Variants in PSMD1 observed in about 807,000 individuals in gnomAD.
PSMD1 encodes proteasome 26S subunit, non-ATPase 1, also known as 26S proteasome non-ATPase regulatory subunit 1.
A neutral mutation model predicts 119.0 loss-of-function variants in PSMD1; 18 were observed. The ratio of observed to expected loss-of-function variants is 0.15; its 90% CI spans 0.10 to 0.22. The LOEUF is 0.22. Ranked by LOEUF, PSMD1 falls within the 10% of genes least tolerant of loss-of-function variation. PSMD1 has a pLI of 1.00. For missense variants in PSMD1, 702 were observed against 1,158.5 expected (o/e 0.61, Z 5.72); for synonymous variants, 374 against 396.6 (o/e 0.94, Z 0.68).
At chr2:231,154,997 T>A (rs892844374) in intron 19 of PSMD1, among the ~76,000 whole-genome samples, 3 of 151,888 alleles carry the variant, frequency 2.0e-5, no homozygotes, top group Admixed American at 2.0e-4. Context: ...AAAGATAGAG[T>A]GGTGGGCTTT....
chr2:231,160,470 C>A (rs1172807244), intron 19 of PSMD1, among the ~76,000 whole-genome samples: 1 of 152,010 alleles, frequency 6.6e-6, no homozygotes, highest in African/African-American at 2.4e-5. Flanking sequence ...CTGCTTAGCA[C>A]CTAAAAGACC....
At chr2:231,060,364 A>T (rs1009407802) in intron 1 of PSMD1, 17 of 152,260 alleles carry the variant, frequency 1.1e-4, no homozygotes, top group African/African-American at 3.9e-4. Context: ...AAATGGCTAC[A>T]TCTAACTAAG....
At chr2:231,103,728 T>C (rs1212561250) in intron 16 of PSMD1, among the ~76,000 whole-genome samples, 1 of 152,244 alleles carries the variant, frequency 6.6e-6, no homozygotes, top group Non-Finnish European at 1.5e-5. Context: ...CTGGAACTCA[T>C]CTAAGGCAAC....
At chr2:231,144,080 C>T (rs1158123286) in intron 17 of PSMD1, among the ~76,000 whole-genome samples, 2 of 151,978 alleles carry the variant, frequency 1.3e-5, no homozygotes, top group African/African-American at 4.8e-5. Flanking sequence ...TTGTTTATTA[C>T]TATTTTTCTT....
chr2:231,115,926 T>G (rs1009985192), intron 16 of PSMD1, among the ~76,000 whole-genome samples: 4 of 152,080 alleles, frequency 2.6e-5, no homozygotes, highest in African/African-American at 9.7e-5. Context: ...AAATTAACAT[T>G]TGAGAAGCAG....
chr2:231,113,903 G>A (rs1347675599), intron 16 of PSMD1: 7 of 1,614,074 alleles, frequency 4.3e-6, no homozygotes, highest in Non-Finnish European at 5.9e-6. Context: ...GCAGGACATA[G>A]AACAAGTGGG....
chr2:231,116,096 A>G (rs145228651), intron 16 of PSMD1, among the ~76,000 whole-genome samples: 2 of 152,280 alleles, frequency 1.3e-5, no homozygotes, highest in African/African-American at 4.8e-5. Flanking sequence ...TGGTGTTTGG[A>G]GAAAATCTAA....
At chr2:231,087,897 A>T (rs183689035) in intron 16 of PSMD1, among the ~76,000 whole-genome samples, 1 of 151,760 alleles carries the variant, frequency 6.6e-6, no homozygotes, top group Non-Finnish European at 1.5e-5. Flanking sequence ...GGGAGGCAGA[A>T]GTTGCAGTGA....
At chr2:231,057,132 G>T (rs1432184316) in intron 1 of PSMD1, 91 bp downstream of exon 1, 19 of 1,399,708 alleles carry the variant, frequency 1.4e-5, no homozygotes, top group Non-Finnish European at 1.8e-5. Flanking sequence ...GGCGCCTCCC[G>T]GCGGAACGCC....
intron 16 of PSMD1, among the ~76,000 whole-genome samples, chr2:231,135,677 T>G (rs1695950597): frequency 6.6e-6 from 1 of 152,176 alleles, no homozygotes; most frequent in Non-Finnish European, 1.5e-5. Context: ...AAAACCCAAG[T>G]GATTTGTCTA....
rs147018289 is a variant in PSMD1, at chr2:231,110,832, C to G, written c.1883+23651C>G. 8.5e-5 allele frequency among the ~76,000 whole-genome samples: 13 copies of G among 152,344 alleles called. No homozygotes were observed. The East Asian group carries it at 2.5e-3, about 29-fold the overall frequency. On this transcript the variant is annotated intron_variant, in intron 16 of 24. Coordinates refer to ENST00000308696, the MANE Select transcript of PSMD1 (RefSeq NM_002807.4). ...ATTGTCTGTGGCTGCTTTTGTTCTA[C>G]TGCAGCAGAATGGAGGAGCTGTGAC...
At chr2:231,073,379 A>G (rs1443561748) in intron 7 of PSMD1, among the ~76,000 whole-genome samples, 2 of 152,228 alleles carry the variant, frequency 1.3e-5, no homozygotes, top group African/African-American at 4.8e-5. Flanking sequence ...AGTAAAACAA[A>G]GGTATGCCTA....
At chr2:231,141,486 A>G (rs1350984676) in intron 17 of PSMD1, among the ~76,000 whole-genome samples, 1 of 148,344 alleles carries the variant, frequency 6.7e-6, no homozygotes, top group Non-Finnish European at 1.5e-5. Flanking sequence ...CTGGAGTACA[A>G]TGGGGCTATG....
chr2:231,169,694 T>C (rs1337487840), intron 23 of PSMD1, among the ~76,000 whole-genome samples: 3 of 152,236 alleles, frequency 2.0e-5, no homozygotes, highest in Non-Finnish European at 1.5e-5. Context: ...GGTAGAAATA[T>C]GCTTTTTCCA....
At chr2:231,084,764 T>C (rs1694391293) in intron 14 of PSMD1, among the ~76,000 whole-genome samples, 1 of 152,196 alleles carries the variant, frequency 6.6e-6, no homozygotes, top group African/African-American at 2.4e-5. Context: ...GACTTGACTT[T>C]ATACTTCCTA....
chr2:231,102,687 G>A (rs1237506641), intron 16 of PSMD1, among the ~76,000 whole-genome samples: 1 of 151,906 alleles, frequency 6.6e-6, no homozygotes, highest in Non-Finnish European at 1.5e-5. Context: ...GGAGAGGTTG[G>A]TCTTGCTGTC....
In PSMD1 at chr2:231,170,028, C is replaced by G. The variant is rs1165578633; in HGVS notation, c.2716-538C>G. On this transcript the variant is annotated intron_variant, in intron 23 of 24. Transcript: ENST00000308696. The surrounding 1 kb of genome is among the most constrained non-coding windows in gnomAD (Gnocchi z 4.1). The stretch of plus-strand genomic sequence containing the variant: ...AAAATTGGCTTTTAATTTATACACT[C>G]TCGTGTTCAAAATGATTATCATCTC... 1.3e-5 allele frequency among the ~76,000 whole-genome samples: 2 copies of G among 152,186 alleles called. No homozygotes were observed. The highest frequency in any genetic ancestry group is 2.9e-5 in the Non-Finnish European group (2 of 68,048).
In PSMD1 at chr2:231,105,213, AG is replaced by A. The variant is rs375195053; in HGVS notation, c.1883+18033del. 8.8e-4 allele frequency among the ~76,000 whole-genome samples: 134 copies of A among 152,328 alleles called. 1 individual carries two copies. The highest frequency in any genetic ancestry group is 3.0e-3 in the African/African-American group (123 of 41,582). On this transcript the variant is annotated intron_variant, in intron 16 of 24. Coordinates refer to ENST00000308696, the MANE Select transcript of PSMD1 (RefSeq NM_002807.4). The stretch of plus-strand genomic sequence containing the variant: ...TTTGTTCATAATGCTTGTAAATAAA[AG>A]TAAAAAATTAATTTGATAACTATTC...
At chr2:231,096,216 C>G (rs563220295) in intron 16 of PSMD1, among the ~76,000 whole-genome samples, 1 of 152,332 alleles carries the variant, frequency 6.6e-6, no homozygotes, top group South Asian at 2.1e-4. Context: ...CCTTCTAATG[C>G]TGCTTGCCTA....
Sources: allele counts gnomAD v4.1 joint callset (sites outside exome capture counted in the v4.1 genomes callset), GRCh38; gene constraint gnomAD v4.1.1; non-coding constraint Gnocchi (gnomAD v3.1); transcripts MANE v1.5; gene names NCBI Gene and HGNC (gene_info 2026-07-23, HGNC 2026-07-21).